The following TMEM232 variants were observed in gnomAD, a reference collection of about 807,000 sequenced individuals.
TMEM232 encodes transmembrane protein 232.
Under a neutral mutation model 78.8 loss-of-function variants are expected in TMEM232, and 80 were observed. That is an observed-to-expected ratio of 1.01 (90% CI 0.85 to 1.22). The LOEUF (loss-of-function observed/expected upper bound fraction) is 1.22. TMEM232 is among the 50% of genes most tolerant of loss of function. TMEM232 has a pLI of 0.00. For missense variants in TMEM232, 881 were observed against 742.2 expected, an observed-to-expected ratio of 1.19 and a Z score of -2.17; for synonymous variants, 297 against 254.3, an observed-to-expected ratio of 1.17 and a Z score of -1.60.
At chr5:110,536,662 G>A (rs1772396629) in intron 11 of TMEM232, among the ~76,000 whole-genome samples, 1 of 152,070 alleles carries the variant, frequency 6.6e-6, no homozygotes, top group African/African-American at 2.4e-5. Context: ...TACTTGATGG[G>A]TCAAAGACAA....
At chr5:110,499,649 A>G (rs928424465) in intron 12 of TMEM232, among the ~76,000 whole-genome samples, 2 of 147,356 alleles carry the variant, frequency 1.4e-5, no homozygotes, top group African/African-American at 5.1e-5. Context: ...ACACACACAT[A>G]TATATATATA....
chr5:110,732,988 C>T (rs758779666), intron 2 of TMEM232, among the ~76,000 whole-genome samples: 5 of 151,908 alleles, frequency 3.3e-5, no homozygotes, highest in Non-Finnish European at 7.4e-5. Context: ...AAACAACAAA[C>T]AATTTCACTA....
intron 12 of TMEM232, among the ~76,000 whole-genome samples, chr5:110,454,405 G>A (rs561034685): frequency 5.3e-5 from 8 of 152,176 alleles, no homozygotes; most frequent in African/African-American, 1.9e-4. Flanking sequence ...GAATTTTGGA[G>A]CCTAGGAGTT....
At chr5:110,623,883 G>A (rs979653592) in intron 7 of TMEM232, among the ~76,000 whole-genome samples, 3 of 152,150 alleles carry the variant, frequency 2.0e-5, no homozygotes, top group African/African-American at 7.2e-5. Flanking sequence ...CTACAAAGTG[G>A]AAAAAGGCAC....
chr5:110,482,028 T>A, intron 12 of TMEM232, among the ~76,000 whole-genome samples: 1 of 152,250 alleles, frequency 6.6e-6, no homozygotes, highest in East Asian at 1.9e-4. Flanking sequence ...ATTTTTTTAA[T>A]TAAAAGGTAA....
intron 11 of TMEM232, among the ~76,000 whole-genome samples, chr5:110,543,777 C>T (rs1773450296): frequency 6.6e-6 from 1 of 152,116 alleles, no homozygotes; most frequent in African/African-American, 2.4e-5. Flanking sequence ...GAAGACTCTA[C>T]CTAACCTCTG....
At chr5:110,569,708 T>C (rs1776723424) in intron 10 of TMEM232, among the ~76,000 whole-genome samples, 1 of 151,950 alleles carries the variant, frequency 6.6e-6, no homozygotes. Flanking sequence ...TGCAGGTTAA[T>C]AACAATCATT....
intron 10 of TMEM232, among the ~76,000 whole-genome samples, chr5:110,569,751 T>A (rs1010396693): frequency 4.6e-5 from 7 of 151,908 alleles, no homozygotes; most frequent in Non-Finnish European, 8.8e-5. Context: ...GAGGGGGTAC[T>A]AACTATGTGG....
chr5:110,664,136 T>C (rs568693791), intron 2 of TMEM232, among the ~76,000 whole-genome samples: 5 of 152,036 alleles, frequency 3.3e-5, no homozygotes, highest in African/African-American at 1.2e-4. Context: ...AAAGACCCTG[T>C]CTGTAAAAAT....
At chr5:110,730,700 G>A (rs754663458), upstream of TMEM232, among the ~76,000 whole-genome samples, 24 of 152,074 alleles carry the variant, frequency 1.6e-4, no homozygotes, top group Non-Finnish European at 2.8e-4. Flanking sequence ...TCACCATCAC[G>A]AGAATAGCAC....
chr5:110,532,515 T>C (rs1255475077), intron 11 of TMEM232, among the ~76,000 whole-genome samples: 1 of 151,886 alleles, frequency 6.6e-6, no homozygotes, highest in Non-Finnish European at 1.5e-5. Flanking sequence ...CCAAACCTCT[T>C]AAAACTCCCC....
intron 2 of TMEM232, among the ~76,000 whole-genome samples, chr5:110,662,493 C>T (rs1374787017): frequency 6.6e-6 from 1 of 151,984 alleles, no homozygotes; most frequent in Non-Finnish European, 1.5e-5. Context: ...TTTTCAAAAA[C>T]ATAAATTATG....
intron 11 of TMEM232, among the ~76,000 whole-genome samples, chr5:110,530,384 A>G (rs1223142237): frequency 6.6e-6 from 1 of 152,204 alleles, no homozygotes; most frequent in African/African-American, 2.4e-5. Flanking sequence ...TACTGGGTAT[A>G]TCCAAAAGAA....
At chr5:110,552,026 G>A (rs1464876267) in intron 11 of TMEM232, among the ~76,000 whole-genome samples, 1 of 152,036 alleles carries the variant, frequency 6.6e-6, no homozygotes, top group Non-Finnish European at 1.5e-5. Flanking sequence ...AGCATACATA[G>A]TGGCATAAAA....
chr5:110,585,170 G>C (rs1023687018), intron 10 of TMEM232, among the ~76,000 whole-genome samples: 1 of 152,102 alleles, frequency 6.6e-6, no homozygotes, highest in East Asian at 1.9e-4. Context: ...GAAAGTTCCA[G>C]CGTGTGTTTT....
chr5:110,638,750 C>G (rs955065789), intron 4 of TMEM232, among the ~76,000 whole-genome samples: 2 of 152,078 alleles, frequency 1.3e-5, no homozygotes, highest in Non-Finnish European at 2.9e-5. Context: ...GGTCGAGAGG[C>G]TAGAGGAAGG....
intron 1 of TMEM232, among the ~76,000 whole-genome samples, chr5:110,711,966 C>T (rs1028442717): frequency 1.3e-5 from 2 of 151,496 alleles, no homozygotes; most frequent in East Asian, 1.9e-4. Context: ...ATTAGCCAGG[C>T]GTGGTGGCAC....
At chr5:110,445,116 GT>G (rs1195637313) in intron 12 of TMEM232, among the ~76,000 whole-genome samples, 7 of 151,626 alleles carry the variant, frequency 4.6e-5, no homozygotes, top group Non-Finnish European at 1.0e-4. Flanking sequence ...TAATTTTAGA[GT>G]TTTTTTGGAC....
intron 7 of TMEM232, among the ~76,000 whole-genome samples, chr5:110,620,623 CTCTCTCTCTCT>C (rs1783554364): frequency 8.5e-6 from 1 of 117,544 alleles, no homozygotes; most frequent in Non-Finnish European, 1.7e-5. Flanking sequence ...CTCTCTCTCT[CTCTCTCTCTCT>C]CTCTCCTCTC....
Sources: allele counts gnomAD v4.1 joint callset (sites outside exome capture counted in the v4.1 genomes callset), GRCh38; gene constraint gnomAD v4.1.1; transcripts MANE v1.5; gene names NCBI Gene and HGNC (gene_info 2026-07-23, HGNC 2026-07-21).